TRAF5: variants seen among roughly 807,000 people sequenced by gnomAD.
The protein encoded by TRAF5 is TNF receptor associated factor 5.
A neutral mutation model predicts 64.5 loss-of-function variants in TRAF5; 48 were observed. The ratio of observed to expected loss-of-function variants is 0.74; its 90% CI spans 0.59 to 0.95. The LOEUF (loss-of-function observed/expected upper bound fraction) is 0.95. Among genes scored for constraint, TRAF5 ranks in the 40% least tolerant of loss-of-function variants. The probability of loss-of-function intolerance (pLI) is 0.00; values close to 1 mark genes in which losing one functional copy is unlikely to be tolerated. For missense variants in TRAF5, 545 were observed against 662.8 expected (o/e 0.82, Z 1.95); for synonymous variants, 206 against 240.5 (o/e 0.86, Z 1.33).
Position 211,372,516 on chromosome 1 carries a change from G to A in TRAF5, c.1488G>A (p.Met496Ile). The A allele has an allele frequency of 6.2e-7, 1 of 1,614,170 alleles. No individual in the cohort carries two copies. The highest frequency in any genetic ancestry group is 8.5e-7 in the Non-Finnish European group (1 of 1,180,022). Residue 496 changes from methionine (M) to isoleucine (I), a missense_variant, in exon 11 of 11, where the codon ATG becomes ATA. Met to Ile is a conservative substitution (Grantham distance 10). Coordinates refer to ENST00000261464, the MANE Select transcript of TRAF5 (RefSeq NM_001033910.3). ...ACCAGAGTGGCAAAAAGAACATTAT[G>A]GAGACCTTCAAACCTGACCCCAATA... ...LLDQSGKKNIMETFKPDPNSS... is the reference protein window; with the variant it reads ...LLDQSGKKNIIETFKPDPNSS...
intron 8 of TRAF5, 95 bp downstream of exon 8, chr1:211,365,563 G>T (rs757065169): frequency 4.8e-5 from 47 of 988,592 alleles, no homozygotes; most frequent in Non-Finnish European, 6.7e-5. Flanking sequence ...CCCTGTTTCA[G>T]TATAAGTCAA....
chr1:211,354,975 C>A (rs1282852626), intron 3 of TRAF5, among the ~76,000 whole-genome samples: 1 of 152,032 alleles, frequency 6.6e-6, no homozygotes, highest in Non-Finnish European at 1.5e-5. Context: ...GAGTTTGAGA[C>A]CAGCTTGACC....
At chr1:211,347,320 G>T (rs1702642166) in intron 1 of TRAF5, among the ~76,000 whole-genome samples, 1 of 152,170 alleles carries the variant, frequency 6.6e-6, no homozygotes, top group South Asian at 2.1e-4. Context: ...GCTCTCTCAT[G>T]TCAGTGAACA....
chr1:211,340,003 TGGTAG>T (rs1172405725), intron 1 of TRAF5, among the ~76,000 whole-genome samples: 2 of 152,214 alleles, frequency 1.3e-5, no homozygotes, highest in African/African-American at 4.8e-5. Flanking sequence ...TGTTGACCTT[TGGTAG>T]CTAAAAGTCA....
Position 211,369,582 on chromosome 1 carries a change from C to G in TRAF5, c.920C>G (p.Pro307Arg). Residue 307 changes from proline to arginine, a missense_variant, in exon 9 of 11, where the codon CCA becomes CGA. Transcript: ENST00000261464. The stretch of plus-strand genomic sequence containing the variant: ...TTTGGCAAAAATGGAAGCTTCCTCC[C>G]AAACATCCAGGTAAGAAATGGCCTT... The part of the protein sequence containing the change: ...QLFGKNGSFL[P>R]NIQVFASHID... The G allele has an allele frequency of 1.3e-6, 2 of 1,589,322 alleles. No homozygotes were observed. Among genetic ancestry groups the G allele is most frequent in the Non-Finnish European group, 1.7e-6 (2 of 1,171,276 alleles).
At chr1:211,327,022 G>T (rs1334492611) in intron 1 of TRAF5, 133 bp downstream of exon 1, 7 of 790,120 alleles carry the variant, frequency 8.9e-6, no homozygotes, top group South Asian at 5.6e-5. Flanking sequence ...GCCGGTCCCC[G>T]ACCGGCGGGG....
chr1:211,344,705 C>G (rs1702543445), intron 1 of TRAF5, among the ~76,000 whole-genome samples: 1 of 152,172 alleles, frequency 6.6e-6, no homozygotes, highest in South Asian at 2.1e-4. Context: ...CTCCTTTGTG[C>G]CAGGAGGATA....
At chr1:211,353,610 A>T in intron 2 of TRAF5, 153 bp downstream of exon 2, 1 of 699,914 alleles carries the variant, frequency 1.4e-6, no homozygotes, top group African/African-American at 1.8e-5. Flanking sequence ...CCCCTCTGTG[A>T]GGGCCTGAAG....
chr1:211,360,822 C>T lies in TRAF5; in HGVS notation c.621+43C>T, dbSNP rs768906790. 20 of 1,548,074 alleles carry T rather than the reference C, an allele frequency of 1.3e-5. No homozygotes were observed. In the East Asian group the frequency reaches 1.6e-4, roughly 12 times the overall value. On this transcript the variant is annotated intron_variant, in intron 6 of 10. Coordinates refer to ENST00000261464, the MANE Select transcript of TRAF5 (RefSeq NM_001033910.3). ...TCTCTGTAGATTTTATGGAAGATAA[C>T]GTTTTAGTAATCATTGTGGTCTGTG...
intron 9 of TRAF5, among the ~76,000 whole-genome samples, chr1:211,369,857 C>T (rs754127056): frequency 5.9e-5 from 9 of 152,078 alleles, no homozygotes; most frequent in East Asian, 5.8e-4. Context: ...TGTGTGTGCA[C>T]GTGCTCTCTC....
chr1:211,342,031 G>C (rs1702461436), intron 1 of TRAF5, among the ~76,000 whole-genome samples: 1 of 152,162 alleles, frequency 6.6e-6, no homozygotes, highest in South Asian at 2.1e-4. Flanking sequence ...TTCATGCATA[G>C]AGGGGTCAGC....
intron 7 of TRAF5, 40 bp from the exon 8 acceptor site, chr1:211,365,336 C>G: frequency 6.5e-7 from 1 of 1,542,444 alleles, no homozygotes; most frequent in South Asian, 1.2e-5. Context: ...ATTTTTGGAG[C>G]CTCTCAGCAA....
intron 1 of TRAF5, among the ~76,000 whole-genome samples, chr1:211,339,632 C>A (rs938051353): frequency 1.3e-5 from 2 of 152,226 alleles, no homozygotes; most frequent in Admixed American, 1.3e-4. Flanking sequence ...TTGCCCTGAT[C>A]AGGCCCTTGA....
chr1:211,340,249 C>T (rs1702411049), intron 1 of TRAF5, among the ~76,000 whole-genome samples: 1 of 152,130 alleles, frequency 6.6e-6, no homozygotes, highest in African/African-American at 2.4e-5. Flanking sequence ...CCTGGAGCCT[C>T]ATTCACTTTA....
rs749554495 is a variant in TRAF5, at chr1:211,371,355, A to G, written c.984A>G (p.Gln328=). ...KSAWLEAQVH[Q]LLQMVNQQQN... is the part of the protein sequence containing the mutation. ...CTTGGCTAGAAGCTCAAGTGCATCAATTATTACAAATGGTTAACCAGCAAC... is the reference window on the plus strand; with the variant it reads ...CTTGGCTAGAAGCTCAAGTGCATCAGTTATTACAAATGGTTAACCAGCAAC... The change falls in exon 10 of 11, where the codon CAA becomes CAG. Residue 328 remains glutamine, a synonymous_variant. Transcript: ENST00000261464. 7 of 1,611,002 alleles carry G rather than the reference A, an allele frequency of 4.3e-6. No individual in the cohort carries two copies. Among genetic ancestry groups the G allele is most frequent in the South Asian group, 3.3e-5 (3 of 90,128 alleles).
intron 10 of TRAF5, 34 bp downstream of exon 10, chr1:211,371,504 T>C (rs750758187): frequency 1.6e-5 from 26 of 1,593,316 alleles, no homozygotes; most frequent in Non-Finnish European, 2.0e-5. Context: ...TTTTGGTGAC[T>C]CATTTGTCTG....
chr1:211,370,645 C>T (rs1572095792), intron 9 of TRAF5, among the ~76,000 whole-genome samples: 1 of 152,230 alleles, frequency 6.6e-6, no homozygotes, highest in African/African-American at 2.4e-5. Context: ...TTACATTAGC[C>T]TACAGTTGGG....
chr1:211,360,909 C>A (rs1703157413), intron 6 of TRAF5, 130 bp downstream of exon 6: 2 of 988,702 alleles, frequency 2.0e-6, no homozygotes, highest in Admixed American at 2.1e-5. Context: ...CATGACGTAT[C>A]TGTCTTCCCT....
intron 1 of TRAF5, 28 bp from the exon 2 acceptor site, chr1:211,353,209 ATT>A: frequency 6.2e-7 from 1 of 1,608,448 alleles, no homozygotes; most frequent in Non-Finnish European, 8.5e-7. Context: ...TGCACACTTA[ATT>A]TTCCCTCTCC....
Sources: gnomAD v4.1 joint callset for allele counts (sites outside exome capture counted in the v4.1 genomes callset) on GRCh38, gnomAD v4.1.1 for gene constraint, MANE v1.5 for transcripts, NCBI Gene and HGNC (gene_info 2026-07-23, HGNC 2026-07-21) for gene names.